ATP10A: variants seen among roughly 807,000 people sequenced by gnomAD.
ATP10A encodes phospholipid-transporting ATPase VA.
A neutral mutation model predicts 147.8 loss-of-function variants in ATP10A; 111 were observed. That is an observed-to-expected ratio of 0.75 (90% CI 0.64 to 0.88). ATP10A has a LOEUF of 0.88. Among genes scored for constraint, ATP10A ranks in the 40% least tolerant of loss-of-function variants. The probability of loss-of-function intolerance (pLI) is 0.00; values close to 1 mark genes in which losing one functional copy is unlikely to be tolerated. For synonymous variants in ATP10A, 875 were observed against 841.6 expected (o/e 1.04, Z -0.69); for missense variants, 1,927 against 1,959.0 (o/e 0.98, Z 0.31).
intron 2 of ATP10A, among the ~76,000 whole-genome samples, chr15:25,751,726 T>C (rs1260898912): frequency 1.3e-5 from 2 of 152,090 alleles, no homozygotes; most frequent in Non-Finnish European, 2.9e-5. Flanking sequence ...GGAGAAAATA[T>C]CTGCAAGCCA....
intron 2 of ATP10A, among the ~76,000 whole-genome samples, chr15:25,745,307 T>G (rs1268471147): frequency 6.6e-6 from 1 of 151,342 alleles, no homozygotes. Flanking sequence ...AAGCAGAAAT[T>G]GCACCACTGC....
chr15:25,711,057 G>A (rs564705043), intron 10 of ATP10A, among the ~76,000 whole-genome samples: 17 of 152,198 alleles, frequency 1.1e-4, no homozygotes, highest in African/African-American at 2.2e-4. Flanking sequence ...CATCCCAGCC[G>A]TAAGTGTAGA....
chr15:25,776,980 C>T (rs1195172269), intron 2 of ATP10A, among the ~76,000 whole-genome samples: 2 of 152,182 alleles, frequency 1.3e-5, no homozygotes, highest in East Asian at 3.9e-4. Flanking sequence ...GGACTCATCT[C>T]ACTGCTCCAT....
intron 1 of ATP10A, among the ~76,000 whole-genome samples, chr15:25,843,374 A>G (rs1256160409): frequency 2.0e-5 from 3 of 152,108 alleles, no homozygotes; most frequent in African/African-American, 7.2e-5. Context: ...GTGCAAGTGG[A>G]GAGAGACAGA....
chr15:25,788,460 G>A (rs762375379), intron 1 of ATP10A, among the ~76,000 whole-genome samples: 1 of 152,182 alleles, frequency 6.6e-6, no homozygotes, highest in Admixed American at 6.5e-5. Context: ...CGTCCCACCC[G>A]CTTCACGCTC....
chr15:25,699,371 C>G (rs146702959), intron 13 of ATP10A, among the ~76,000 whole-genome samples: 1 of 152,162 alleles, frequency 6.6e-6, no homozygotes, highest in Non-Finnish European at 1.5e-5. Context: ...ACAAATGGCA[C>G]TGGAGGAACT....
In ATP10A at chr15:25,707,328, G is replaced by A. The variant is rs574494092; in HGVS notation, c.2575+648C>T. ...AAGTACCACCTGACTCACAGCACCC[G>A]AGATGGAGGTGGGGGTGGACCATCC... is the stretch of plus-strand genomic sequence containing the variant. On this transcript the variant is annotated intron_variant, in intron 12 of 20. Coordinates refer to ENST00000555815, the MANE Select transcript of ATP10A (RefSeq NM_024490.4). Among the ~76,000 whole-genome samples, 7 of 152,204 alleles carry A rather than the reference G, an allele frequency of 4.6e-5. No individual in the cohort carries two copies. The South Asian group carries it at 6.2e-4, about 14-fold the overall frequency.
intron 7 of ATP10A, 77 bp downstream of exon 7, chr15:25,721,580 G>A: frequency 1.3e-5 from 17 of 1,294,534 alleles, no homozygotes; most frequent in Non-Finnish European, 1.5e-5. Flanking sequence ...GTGTGTGTGT[G>A]TGTGTCTCCA....
chr15:25,843,978 C>T (rs905492878), intron 1 of ATP10A, among the ~76,000 whole-genome samples: 31 of 152,074 alleles, frequency 2.0e-4, no homozygotes, highest in Middle Eastern at 3.2e-3. Context: ...TATCACCCAC[C>T]GCCAAAACTG....
chr15:25,733,487 C>T (rs747308184), intron 3 of ATP10A, among the ~76,000 whole-genome samples: 7 of 152,134 alleles, frequency 4.6e-5, no homozygotes, highest in Non-Finnish European at 8.8e-5. Context: ...GCTGATGGTC[C>T]GGGGCAGGGC....
chr15:25,835,380 A>G (rs996263094), intron 1 of ATP10A, among the ~76,000 whole-genome samples: 3 of 152,226 alleles, frequency 2.0e-5, no homozygotes, highest in Non-Finnish European at 4.4e-5. Flanking sequence ...TGTATACTTT[A>G]ACTGGGTGAA....
chr15:25,805,853 G>A (rs866521649), intron 1 of ATP10A, among the ~76,000 whole-genome samples: 15 of 152,254 alleles, frequency 9.9e-5, no homozygotes, highest in African/African-American at 3.1e-4. Context: ...AAAGGAAAAT[G>A]TATTTTGAAA....
chr15:25,860,814 A>G (rs1467659779), intron 1 of ATP10A, among the ~76,000 whole-genome samples: 7 of 152,244 alleles, frequency 4.6e-5, no homozygotes, highest in Non-Finnish European at 1.0e-4. Flanking sequence ...TAGTTACTAT[A>G]AGGATCGAAT....
At chr15:25,805,209 G>T (rs1024561845) in intron 1 of ATP10A, among the ~76,000 whole-genome samples, 1 of 152,190 alleles carries the variant, frequency 6.6e-6, no homozygotes, top group Non-Finnish European at 1.5e-5. Context: ...TGAATGACTG[G>T]CTGGATCCGG....
intron 1 of ATP10A, among the ~76,000 whole-genome samples, chr15:25,832,123 C>T (rs1343909860): frequency 5.9e-5 from 9 of 152,088 alleles, no homozygotes; most frequent in African/African-American, 1.7e-4. Flanking sequence ...ATCAGATCAA[C>T]GTGGCTGCAA....
At chr15:25,739,146 T>C (rs1337532028) in intron 2 of ATP10A, among the ~76,000 whole-genome samples, 3 of 152,340 alleles carry the variant, frequency 2.0e-5, no homozygotes, top group South Asian at 4.1e-4. Flanking sequence ...TTTGGCTCAC[T>C]GCAACCTCCA....
intron 2 of ATP10A, among the ~76,000 whole-genome samples, chr15:25,750,721 TG>T (rs1567354848): frequency 1.0e-3 from 159 of 151,748 alleles, no homozygotes; most frequent in African/African-American, 3.5e-3. Flanking sequence ...ATGATGATGA[TG>T]ATGATGATGA....
chr15:25,695,053 T>C lies in ATP10A; in HGVS notation c.2854A>G (p.Met952Val). ...GGTGGGCAGAGAGAGGAGAACCTCA[T>C]GCTCACTTTGCCCTTGGTCTTCTCA... Reference protein sequence around the residue: ...APEKTKGKVSMRFSSLCPPST... With the variant: ...APEKTKGKVSVRFSSLCPPST... The change falls in exon 14 of 21, where the codon ATG becomes GTG. Residue 952 changes from methionine to valine, a missense_variant. Met to Val is a conservative substitution (Grantham distance 21). Transcript: ENST00000555815. 3 of 1,614,186 alleles carry C rather than the reference T, an allele frequency of 1.9e-6. No individual in the cohort carries two copies. Among genetic ancestry groups the C allele is most frequent in the Non-Finnish European group, 2.5e-6 (3 of 1,180,022 alleles).
At chr15:25,707,489 AC>A (rs1465698518) in intron 12 of ATP10A, among the ~76,000 whole-genome samples, 4 of 152,224 alleles carry the variant, frequency 2.6e-5, no homozygotes, top group African/African-American at 9.6e-5. Flanking sequence ...TTCATTTATC[AC>A]TAATACTAGT....
Sources: allele counts gnomAD v4.1 joint callset (sites outside exome capture counted in the v4.1 genomes callset), GRCh38; gene constraint gnomAD v4.1.1; transcripts MANE v1.5; gene names NCBI Gene and HGNC (gene_info 2026-07-23, HGNC 2026-07-21).